The following DOCK7 variants were observed in gnomAD, a reference collection of about 807,000 sequenced individuals.
DOCK7 encodes the protein dedicator of cytokinesis 7, also known as dedicator of cytokinesis protein 7.
DOCK7 carries 138 observed loss-of-function variants against 271.0 expected under a neutral mutation model. That is an observed-to-expected ratio of 0.51 (90% CI 0.44 to 0.59). The LOEUF is 0.59. DOCK7 is among the 20% of genes least tolerant of loss of function. DOCK7 has a pLI of 0.00. For missense variants in DOCK7, 2,066 were observed against 2,592.4 expected, an observed-to-expected ratio of 0.80 and a Z score of 4.41; for synonymous variants, 823 against 876.1, an observed-to-expected ratio of 0.94 and a Z score of 1.07.
chr1:62,461,162 T>C (rs1645513087), intron 48 of DOCK7, among the ~76,000 whole-genome samples: 1 of 152,140 alleles, frequency 6.6e-6, no homozygotes, highest in African/African-American at 2.4e-5. Context: ...GTAGCAAACA[T>C]ACTTAGTGGT....
At chr1:62,601,077 A>G in intron 14 of DOCK7, 1 of 1,524,528 alleles carries the variant, frequency 6.6e-7, no homozygotes, top group Non-Finnish European at 9.1e-7. Flanking sequence ...ATATTCTTTT[A>G]TCAGCTCAGA....
Position 62,648,239 on chromosome 1 carries a change from T to C in DOCK7, c.599A>G (p.Asn200Ser), listed in dbSNP as rs1273862967. The part of the protein sequence containing the change: ...SWACSIFDLK[N>S]SLPDALLPNL... ...GGGAAGCAAAGCATCAGGAAGTGAA[T>C]TTTTCAAGTCAAAGATACTACAGGC... Residue 200 changes from asparagine (N) to serine (S), a missense_variant, in exon 6 of 50, where the codon AAT becomes AGT. By Grantham distance (46) the Asn-to-Ser change is conservative. Around this residue, in one of 2 missense-constraint regions of DOCK7, gnomAD observed 1,414 missense variants for 1,670.4 expected, o/e 0.85. Transcript: ENST00000635253. The C allele has an allele frequency of 6.2e-7, 1 of 1,613,672 alleles. No individual in the cohort carries two copies. The highest frequency in any genetic ancestry group is 1.7e-5 in the Admixed American group (1 of 59,994).
Position 62,688,245 on chromosome 1 carries a change from A to G in DOCK7, c.20T>C (p.Phe7Ser). 1 of 1,368,234 alleles carries G rather than the reference A, an allele frequency of 7.3e-7. No individual in the cohort carries two copies. Among genetic ancestry groups the G allele is most frequent in the Non-Finnish European group, 9.6e-7 (1 of 1,046,824 alleles). 84.8% of individuals were successfully genotyped at this position (1,368,234 alleles called of 1,614,324 possible). The change falls in exon 1 of 50, where the codon TTC (phenylalanine) becomes TCC (serine). Residue 7 changes from phenylalanine to serine, a missense_variant. Transcript: ENST00000635253. MAERRA[F>S]AQKISRTVAA... ...TATTTACCTGCTGATCTTCTGGGCG[A>G]AGGCGCGGCGCTCGGCCATGGCTGC... is the stretch of plus-strand genomic sequence containing the variant.
intron 48 of DOCK7, chr1:62,458,272 T>G (rs1467927493): frequency 6.6e-6 from 1 of 152,322 alleles, no homozygotes; most frequent in Non-Finnish European, 1.5e-5. Flanking sequence ...TTCACCATGA[T>G]GAGGACATTT....
At chr1:62,611,071 T>C (rs908443767) in intron 14 of DOCK7, among the ~76,000 whole-genome samples, 2 of 152,192 alleles carry the variant, frequency 1.3e-5, no homozygotes, top group African/African-American at 4.8e-5. Context: ...ATTTGAAACA[T>C]ACATATTTTT....
chr1:62,557,755 T>G (rs947180164), intron 20 of DOCK7, among the ~76,000 whole-genome samples: 3 of 151,702 alleles, frequency 2.0e-5, no homozygotes, highest in African/African-American at 7.3e-5. Flanking sequence ...ATTTTACTTA[T>G]ATAATCTATA....
At chr1:62,635,694 A>G (rs1195970503) in intron 8 of DOCK7, 1 of 152,200 alleles carries the variant, frequency 6.6e-6, no homozygotes, top group Non-Finnish European at 1.5e-5. Flanking sequence ...AAAGAAATCC[A>G]TAATATGTCT....
Position 62,584,922 on chromosome 1 carries a change from T to C in DOCK7, c.1800+1585A>G, listed in dbSNP as rs1183195722. 4.3e-6 allele frequency: 3 copies of C among 691,358 alleles called. No homozygotes were observed. In the South Asian group the frequency reaches 4.8e-5, roughly 11 times the overall value. The allele number at this position is 691,358 out of a possible 1,614,324, so 42.8% of individuals were successfully genotyped here. A position where few individuals can be genotyped will look rare whatever the true frequency, so the allele number is the denominator to read the frequency against. The stretch of plus-strand genomic sequence containing the variant: ...ATATGATAAGACAAGGAAGAGTTTG[T>C]TAGGTAAACAATAAAAAATAGATTA... On this transcript the variant is annotated intron_variant, in intron 15 of 49. Transcript: ENST00000635253.
At chr1:62,537,754 C>T in intron 28 of DOCK7, 137 bp downstream of exon 28, 1 of 761,132 alleles carries the variant, frequency 1.3e-6, no homozygotes, top group Non-Finnish European at 2.0e-6. Flanking sequence ...GATTAAATGA[C>T]TTTTAATACT....
At position 62,539,910 on chromosome 1, in the gene DOCK7, A is replaced by G; in HGVS notation, c.3046-18T>C. 6.6e-7 allele frequency: 1 copy of G among 1,517,682 alleles called. No individual in the cohort carries two copies. 94.0% of individuals were successfully genotyped at this position (1,517,682 alleles called of 1,614,324 possible). The stretch of plus-strand genomic sequence containing the variant: ...CTCTTTACCTGAAAAAAAGATATAA[A>G]TTATTAATTTCCTATGAATATATTT... On this transcript the variant is annotated intron_variant, in intron 25 of 49. Coordinates refer to ENST00000635253, the MANE Select transcript of DOCK7 (RefSeq NM_001367561.1).
chr1:62,461,741 T>A (rs1405944542), intron 48 of DOCK7, among the ~76,000 whole-genome samples: 1 of 135,816 alleles, frequency 7.4e-6, no homozygotes, highest in Non-Finnish European at 1.6e-5. Context: ...GTCAACTGAT[T>A]TTTGGTAGAG....
chr1:62,636,656 T>C, intron 7 of DOCK7, 53 bp from the exon 8 acceptor site: 1 of 1,421,994 alleles, frequency 7.0e-7, no homozygotes, highest in Non-Finnish European at 9.7e-7. Flanking sequence ...AAATACACAG[T>C]TGGAGAGAAA....
At chr1:62,564,647 G>A (rs989749677) in intron 18 of DOCK7, among the ~76,000 whole-genome samples, 1 of 151,964 alleles carries the variant, frequency 6.6e-6, no homozygotes, top group East Asian at 1.9e-4. Context: ...AAGAACTAGA[G>A]AAGCAAGAGT....
At chr1:62,680,154 T>G (rs920605008) in intron 1 of DOCK7, among the ~76,000 whole-genome samples, 1 of 152,126 alleles carries the variant, frequency 6.6e-6, no homozygotes, top group Non-Finnish European at 1.5e-5. Context: ...AAGGCTACAG[T>G]AACCAAAACA....
chr1:62,536,931 A>G (rs2149388016), intron 28 of DOCK7, among the ~76,000 whole-genome samples: 1 of 152,324 alleles, frequency 6.6e-6, no homozygotes, highest in African/African-American at 2.4e-5. Context: ...ATTAACTGCT[A>G]CAATAACACT....
intron 14 of DOCK7, among the ~76,000 whole-genome samples, chr1:62,614,519 C>A (rs747621146): frequency 4.6e-4 from 70 of 152,002 alleles, no homozygotes; most frequent in Admixed American, 2.4e-3. Flanking sequence ...TAAAATAATT[C>A]TCTTATCCAA....
At chr1:62,485,252 G>T in intron 43 of DOCK7, 1 of 985,308 alleles carries the variant, frequency 1.0e-6, no homozygotes, top group South Asian at 4.7e-5. Flanking sequence ...TACCAGAGGA[G>T]ATAACAGCCA....
intron 6 of DOCK7, 127 bp downstream of exon 6, chr1:62,647,979 T>G (rs1656879194): frequency 1.1e-5 from 10 of 892,946 alleles, no homozygotes; most frequent in Non-Finnish European, 1.5e-5. Context: ...TAAAATGTAT[T>G]CATTTATAAA....
At chr1:62,599,435 C>CT (rs1649786397) in intron 14 of DOCK7, among the ~76,000 whole-genome samples, 2 of 151,984 alleles carry the variant, frequency 1.3e-5, no homozygotes, top group Non-Finnish European at 2.9e-5. Context: ...TACAAGGTCA[C>CT]TTAACCAAAA....
Sources: gnomAD v4.1 joint callset for allele counts (sites outside exome capture counted in the v4.1 genomes callset) on GRCh38, gnomAD v4.1.1 for gene constraint, gnomAD v4.1.1 regional missense constraint, MANE v1.5 for transcripts, NCBI Gene and HGNC (gene_info 2026-07-23, HGNC 2026-07-21) for gene names.